The following TBC1D9 variants were observed in gnomAD, a reference collection of about 807,000 sequenced individuals.
The protein encoded by TBC1D9 is TBC1 domain family member 9A.
A neutral mutation model predicts 132.0 loss-of-function variants in TBC1D9; 63 were observed. That is an observed-to-expected ratio of 0.48 (90% CI 0.39 to 0.59). The LOEUF (loss-of-function observed/expected upper bound fraction) is 0.59, where lower values mean the gene tolerates loss of function less well. Among genes scored for constraint, TBC1D9 ranks in the 20% least tolerant of loss-of-function variants. The pLI is 0.00. For synonymous variants in TBC1D9, 610 were observed against 609.9 expected, an observed-to-expected ratio of 1.00 and a Z score of 0.00; for missense variants, 1,261 against 1,592.7, an observed-to-expected ratio of 0.79 and a Z score of 3.54.
intron 9 of TBC1D9, among the ~76,000 whole-genome samples, chr4:140,667,222 C>T (rs2111006587): frequency 6.6e-6 from 1 of 152,280 alleles, no homozygotes; most frequent in Admixed American, 6.5e-5. Flanking sequence ...ATCACCCCAA[C>T]AGAGGGCCGT....
intron 15 of TBC1D9, among the ~76,000 whole-genome samples, chr4:140,637,456 C>T (rs988311902): frequency 3.9e-5 from 6 of 152,224 alleles, no homozygotes; most frequent in Admixed American, 6.5e-5. Flanking sequence ...AGTCAGCCTC[C>T]TCTGTCCGCT....
intron 5 of TBC1D9, among the ~76,000 whole-genome samples, chr4:140,678,368 A>G (rs1737656185): frequency 6.6e-6 from 1 of 152,142 alleles, no homozygotes; most frequent in Non-Finnish European, 1.5e-5. Context: ...CCCTGTGTTG[A>G]TGAAGGGTAA....
chr4:140,639,196 A>T (rs1736924176), intron 14 of TBC1D9, 42 bp from the exon 15 acceptor site: 1 of 1,517,144 alleles, frequency 6.6e-7, no homozygotes. Context: ...AAACTCAAAA[A>T]GTGCCATGCT....
At chr4:140,668,887 A>G (rs773198917) in intron 9 of TBC1D9, 30 bp downstream of exon 9, 12 of 1,610,608 alleles carry the variant, frequency 7.5e-6, no homozygotes, top group Non-Finnish European at 8.5e-7. Flanking sequence ...ACAGACTTTG[A>G]CGCCAGCATT....
chr4:140,670,270 T>G (rs1469438840), intron 7 of TBC1D9, among the ~76,000 whole-genome samples: 1 of 152,184 alleles, frequency 6.6e-6, no homozygotes, highest in Non-Finnish European at 1.5e-5. Flanking sequence ...CCTCTAACCA[T>G]TCAGATAGTC....
intron 2 of TBC1D9, among the ~76,000 whole-genome samples, chr4:140,687,573 A>G (rs989419486): frequency 2.0e-5 from 3 of 151,654 alleles, no homozygotes; most frequent in Non-Finnish European, 4.4e-5. Flanking sequence ...TTCTTGACAA[A>G]GAATGAAAGA....
intron 16 of TBC1D9, among the ~76,000 whole-genome samples, chr4:140,631,659 C>T (rs191780130): frequency 1.3e-4 from 19 of 151,364 alleles, no homozygotes; most frequent in African/African-American, 2.4e-5. Flanking sequence ...TGCTGTGGCA[C>T]GATGTCTGCT....
At chr4:140,727,403 A>G (rs1333137731) in intron 1 of TBC1D9, among the ~76,000 whole-genome samples, 1 of 152,166 alleles carries the variant, frequency 6.6e-6, no homozygotes, top group Non-Finnish European at 1.5e-5. Flanking sequence ...GCCAGGCCCC[A>G]TTCTGGTGGC....
chr4:140,746,410 T>C (rs1327164842), intron 1 of TBC1D9, among the ~76,000 whole-genome samples: 1 of 152,164 alleles, frequency 6.6e-6, no homozygotes, highest in Non-Finnish European at 1.5e-5. Flanking sequence ...TTTCTCAAGG[T>C]AGAGTCCATA....
At chr4:140,637,806 C>G (rs764139972) in intron 15 of TBC1D9, among the ~76,000 whole-genome samples, 59 of 152,298 alleles carry the variant, frequency 3.9e-4, no homozygotes, top group Non-Finnish European at 6.8e-4. Context: ...TGATGCTGCA[C>G]CAAGCGCACC....
intron 13 of TBC1D9, among the ~76,000 whole-genome samples, chr4:140,653,030 G>A (rs1187097359): frequency 1.3e-5 from 2 of 152,110 alleles, no homozygotes; most frequent in Non-Finnish European, 2.9e-5. Flanking sequence ...TTAAGATTGG[G>A]ACTTTGTCTT....
intron 1 of TBC1D9, among the ~76,000 whole-genome samples, chr4:140,729,541 T>C (rs916158466): frequency 5.9e-5 from 9 of 152,110 alleles, no homozygotes; most frequent in Non-Finnish European, 1.3e-4. Context: ...ACAGGGTTTT[T>C]CTCCCTTGCC....
intron 1 of TBC1D9, among the ~76,000 whole-genome samples, chr4:140,728,643 A>G (rs1270420607): frequency 6.6e-6 from 1 of 151,944 alleles, no homozygotes; most frequent in African/African-American, 2.4e-5. Context: ...CTGGGATTAC[A>G]GGTACGTGCC....
Position 140,756,088 on chromosome 4 carries a change from C to A in TBC1D9, c.-43G>T. On this transcript the variant is annotated 5_prime_UTR_variant, in exon 1 of 21. Transcript: ENST00000442267. The surrounding 1 kb of genome is among the most constrained non-coding windows in gnomAD (Gnocchi z 5.6). The stretch of plus-strand genomic sequence containing the variant: ...GCGGGCGCACAATGGGCCCGTGGGT[C>A]CAGTCCTGCACCCACCACCGCGACA... The A allele has an allele frequency of 6.4e-7, 1 of 1,572,164 alleles. No homozygotes were observed.
chr4:140,639,041 C>T (rs373834926), intron 15 of TBC1D9, 45 bp downstream of exon 15: 1 of 1,348,900 alleles, frequency 7.4e-7, no homozygotes, highest in African/African-American at 1.5e-5. Flanking sequence ...TTAAGGTGAA[C>T]TCCTTTACTC....
At chr4:140,699,585 C>A (rs1034037367) in intron 2 of TBC1D9, among the ~76,000 whole-genome samples, 1 of 152,010 alleles carries the variant, frequency 6.6e-6, no homozygotes, top group African/African-American at 2.4e-5. Flanking sequence ...AGGAGCATGC[C>A]AAAATATACT....
chr4:140,653,836 C>A (rs1437930595), intron 13 of TBC1D9, among the ~76,000 whole-genome samples: 11 of 152,218 alleles, frequency 7.2e-5, no homozygotes, highest in Non-Finnish European at 1.6e-4. Context: ...AGGAAGGGAA[C>A]TGCGGCTTTG....
At chr4:140,628,190 A>C in intron 17 of TBC1D9, 110 bp downstream of exon 17, 1 of 854,322 alleles carries the variant, frequency 1.2e-6, no homozygotes, top group Non-Finnish European at 1.9e-6. Flanking sequence ...TTAGTGACTC[A>C]TGAATGATGG....
chr4:140,682,399 C>T (rs1359420372), intron 3 of TBC1D9, among the ~76,000 whole-genome samples: 1 of 151,958 alleles, frequency 6.6e-6, no homozygotes, highest in Non-Finnish European at 1.5e-5. Flanking sequence ...GACAAGCAGG[C>T]GTTGGTAGTG....
Sources: gnomAD v4.1 joint callset for allele counts (sites outside exome capture counted in the v4.1 genomes callset) on GRCh38, gnomAD v4.1.1 for gene constraint, Gnocchi (gnomAD v3.1) non-coding constraint, MANE v1.5 for transcripts, NCBI Gene and HGNC (gene_info 2026-07-23, HGNC 2026-07-21) for gene names.